The following ADAMTSL1 variants were observed in gnomAD, a reference collection of about 807,000 sequenced individuals.
ADAMTSL1 encodes the protein ADAMTS-like protein 1.
A neutral mutation model predicts 201.8 loss-of-function variants in ADAMTSL1; 126 were observed. The ratio of observed to expected loss-of-function variants is 0.62; its 90% CI spans 0.54 to 0.72. The LOEUF (loss-of-function observed/expected upper bound fraction) is 0.72, where lower values mean the gene tolerates loss of function less well. ADAMTSL1 is among the 30% of genes least tolerant of loss of function. The pLI, the probability that ADAMTSL1 is intolerant of heterozygous loss-of-function variation, is 0.00. For missense variants in ADAMTSL1, 2,679 were observed against 2,277.8 expected, an observed-to-expected ratio of 1.18 and a Z score of -3.59; for synonymous variants, 1,121 against 903.4, an observed-to-expected ratio of 1.24 and a Z score of -4.32.
intron 1 of ADAMTSL1, among the ~76,000 whole-genome samples, chr9:18,158,355 C>T (rs1364893954): frequency 6.6e-6 from 1 of 151,684 alleles, no homozygotes; most frequent in Non-Finnish European, 1.5e-5. Context: ...TTTTCTAATC[C>T]TTTACAGTTG....
chr9:18,907,771 G>A (rs945441), intron 28 of ADAMTSL1: 31,881 of 153,154 alleles, frequency 0.21, 5,408 homozygotes, highest in African/African-American at 0.46. Context: ...CTCAGAGAGC[G>A]CCAATATTCA....
chr9:18,000,451 A>T (rs1205679508), intron 1 of ADAMTSL1, among the ~76,000 whole-genome samples: 1 of 151,536 alleles, frequency 6.6e-6, no homozygotes, highest in East Asian at 1.9e-4. Flanking sequence ...TCTCCTATGG[A>T]CCCACAGTCA....
At chr9:18,049,856 C>G (rs984136338) in intron 1 of ADAMTSL1, among the ~76,000 whole-genome samples, 4 of 152,288 alleles carry the variant, frequency 2.6e-5, no homozygotes, top group Middle Eastern at 3.4e-3. Flanking sequence ...ATCTCCTGAC[C>G]TCGTGATCTG....
chr9:18,196,479 C>T (rs547724458), intron 2 of ADAMTSL1, among the ~76,000 whole-genome samples: 46 of 152,118 alleles, frequency 3.0e-4, no homozygotes, highest in East Asian at 7.8e-4. Flanking sequence ...GGGCCTCCTC[C>T]GGGATTCCTT....
intron 2 of ADAMTSL1, among the ~76,000 whole-genome samples, chr9:18,419,112 G>A (rs142111179): frequency 3.3e-5 from 5 of 151,640 alleles, no homozygotes; most frequent in African/African-American, 1.2e-4. Context: ...AACAAATCAT[G>A]TTTTTAAAAT....
intron 17 of ADAMTSL1, among the ~76,000 whole-genome samples, chr9:18,773,627 G>A (rs1458856460): frequency 2.6e-5 from 4 of 152,180 alleles, no homozygotes; most frequent in East Asian, 1.9e-4. Context: ...AGAAGCCCCC[G>A]AATCACTTCC....
intron 20 of ADAMTSL1, among the ~76,000 whole-genome samples, chr9:18,816,187 C>A (rs1823838807): frequency 6.6e-6 from 1 of 152,198 alleles, no homozygotes; most frequent in African/African-American, 2.4e-5. Context: ...CTACTCTCTA[C>A]TTCTATAAGA....
At chr9:18,637,424 A>T (rs1009999986) in intron 6 of ADAMTSL1, among the ~76,000 whole-genome samples, 3 of 152,164 alleles carry the variant, frequency 2.0e-5, no homozygotes, top group African/African-American at 7.2e-5. Flanking sequence ...CAAGTGGGGG[A>T]CTGACTCTTC....
At chr9:18,633,794 T>C (rs1011820351) in intron 5 of ADAMTSL1, among the ~76,000 whole-genome samples, 2 of 152,118 alleles carry the variant, frequency 1.3e-5, no homozygotes, top group African/African-American at 2.4e-5. Flanking sequence ...ATATTCAACT[T>C]TGTAGAGAAC....
At chr9:18,179,082 C>A in intron 2 of ADAMTSL1, among the ~76,000 whole-genome samples, 1 of 152,184 alleles carries the variant, frequency 6.6e-6, no homozygotes, top group Non-Finnish European at 1.5e-5. Context: ...TTACTCCGAG[C>A]TACGGGAGGA....
At chr9:18,758,389 A>T (rs546323466) in intron 16 of ADAMTSL1, among the ~76,000 whole-genome samples, 7 of 152,138 alleles carry the variant, frequency 4.6e-5, no homozygotes, top group Non-Finnish European at 1.0e-4. Context: ...AATTACCACA[A>T]ACTTGGTGGC....
chr9:18,639,734 T>C (rs78341963), intron 7 of ADAMTSL1, among the ~76,000 whole-genome samples: 1 of 152,116 alleles, frequency 6.6e-6, no homozygotes, highest in African/African-American at 2.4e-5. Flanking sequence ...GATACAGTCA[T>C]TGACTTATAT....
intron 1 of ADAMTSL1, among the ~76,000 whole-genome samples, chr9:17,939,182 C>G (rs1300341910): frequency 6.6e-6 from 1 of 152,114 alleles, no homozygotes; most frequent in Admixed American, 6.6e-5. Flanking sequence ...CTCTTTATCT[C>G]CAAACCATTT....
At chr9:18,452,962 G>A (rs1386001313) in intron 2 of ADAMTSL1, among the ~76,000 whole-genome samples, 1 of 152,198 alleles carries the variant, frequency 6.6e-6, no homozygotes, top group Non-Finnish European at 1.5e-5. Context: ...CCATTTCCAA[G>A]GTTCCAATAG....
intron 2 of ADAMTSL1, among the ~76,000 whole-genome samples, chr9:18,412,741 A>G (rs892972827): frequency 3.9e-5 from 6 of 152,088 alleles, no homozygotes; most frequent in Non-Finnish European, 5.9e-5. Flanking sequence ...TTCTCCATTT[A>G]TTCTATTTCC....
At chr9:18,791,508 G>T (rs1454601979) in intron 19 of ADAMTSL1, among the ~76,000 whole-genome samples, 1 of 151,970 alleles carries the variant, frequency 6.6e-6, no homozygotes, top group Non-Finnish European at 1.5e-5. Context: ...TGGTCCCAAA[G>T]GGATTATAGG....
At chr9:18,464,158 A>G (rs1820912968) in intron 2 of ADAMTSL1, among the ~76,000 whole-genome samples, 1 of 152,234 alleles carries the variant, frequency 6.6e-6, no homozygotes, top group African/African-American at 2.4e-5. Context: ...TATGTAGTGT[A>G]TAATAAGCAT....
chr9:18,307,058 G>T (rs910599816), intron 2 of ADAMTSL1, among the ~76,000 whole-genome samples: 2 of 152,118 alleles, frequency 1.3e-5, no homozygotes, highest in Admixed American at 6.5e-5. Context: ...GTAAAGAAAA[G>T]AATTTTCAAC....
At chr9:18,212,162 T>C (rs973412589) in intron 2 of ADAMTSL1, among the ~76,000 whole-genome samples, 2 of 152,178 alleles carry the variant, frequency 1.3e-5, no homozygotes, top group Non-Finnish European at 2.9e-5. Flanking sequence ...CTTGCGCCCA[T>C]GTTTAATCTA....
Sources: gnomAD v4.1 joint callset for allele counts (sites outside exome capture counted in the v4.1 genomes callset) on GRCh38, gnomAD v4.1.1 for gene constraint, MANE v1.5 for transcripts, NCBI Gene and HGNC (gene_info 2026-07-23, HGNC 2026-07-21) for gene names.